Variants in IL1RAPL1 observed in about 807,000 individuals in gnomAD.
IL1RAPL1 encodes interleukin-1 receptor accessory protein-like 1.
A neutral mutation model predicts 48.4 loss-of-function variants in IL1RAPL1; 3 were observed. That is an observed-to-expected ratio of 0.06 (90% CI 0.03 to 0.16). IL1RAPL1 has a LOEUF of 0.16. Ranked by LOEUF, IL1RAPL1 falls within the 10% of genes least tolerant of loss-of-function variation. The pLI is 1.00. For synonymous variants in IL1RAPL1, 185 were observed against 187.7 expected (o/e 0.99, Z 0.12); for missense variants, 349 against 530.6 (o/e 0.66, Z 3.36).
intron 1 of IL1RAPL1, among the ~76,000 whole-genome samples, chrX:28,675,060 A>C (rs1004076779): frequency 8.9e-6 from 1 of 111,997 alleles, no homozygotes; most frequent in African/African-American, 3.2e-5. Flanking sequence ...TAATGATTCA[A>C]AATTATTTGA....
At chrX:28,731,479 A>G (rs59693267) in intron 1 of IL1RAPL1, among the ~76,000 whole-genome samples, 1,223 of 112,605 alleles carry the variant, frequency 0.011, 12 homozygotes, top group African/African-American at 0.037. Flanking sequence ...CTATTGTGCT[A>G]TTACATTTCT....
chrX:28,641,352 A>G (rs1216451312), intron 1 of IL1RAPL1, among the ~76,000 whole-genome samples: 1 of 110,590 alleles, frequency 9.0e-6, no homozygotes, highest in Non-Finnish European at 1.9e-5. Context: ...GCTGAGAATG[A>G]TGATTTCCAG....
chrX:28,965,829 A>G (rs1213813564), intron 2 of IL1RAPL1, among the ~76,000 whole-genome samples: 2 of 112,176 alleles, frequency 1.8e-5, no homozygotes, highest in Non-Finnish European at 3.8e-5. Flanking sequence ...GTGCTGTTAG[A>G]AATACAATTT....
At chrX:28,727,692 A>C (rs1172735879) in intron 1 of IL1RAPL1, among the ~76,000 whole-genome samples, 2 of 106,178 alleles carry the variant, frequency 1.9e-5, no homozygotes, top group African/African-American at 6.9e-5. Context: ...AGCTCTTATT[A>C]TTTTGAAATA....
intron 1 of IL1RAPL1, among the ~76,000 whole-genome samples, chrX:28,742,977 T>C (rs1263637089): frequency 2.7e-5 from 3 of 111,940 alleles, no homozygotes; most frequent in Admixed American, 9.5e-5. Context: ...CAAATGTAAT[T>C]ATATACATCA....
intron 6 of IL1RAPL1, among the ~76,000 whole-genome samples, chrX:29,721,873 T>A (rs1367908380): frequency 8.9e-6 from 1 of 112,214 alleles, no homozygotes; most frequent in Non-Finnish European, 1.9e-5. Context: ...AGAATAGTAA[T>A]ACTTAAAAGA....
intron 2 of IL1RAPL1, among the ~76,000 whole-genome samples, chrX:29,103,445 A>G (rs765592136): frequency 1.8e-5 from 2 of 111,996 alleles, no homozygotes; most frequent in Non-Finnish European, 3.8e-5. Flanking sequence ...CTAGACCTCT[A>G]TCTCGACCAT....
chrX:28,842,597 A>G (rs1921402216), intron 2 of IL1RAPL1, among the ~76,000 whole-genome samples: 1 of 111,313 alleles, frequency 9.0e-6, no homozygotes, highest in Non-Finnish European at 1.9e-5. Context: ...ATTACTTTTA[A>G]TCTGTACATA....
intron 2 of IL1RAPL1, among the ~76,000 whole-genome samples, chrX:28,849,528 A>G (rs1055879060): frequency 2.7e-5 from 3 of 112,169 alleles, no homozygotes; most frequent in East Asian, 5.6e-4. Context: ...AAAATATTTT[A>G]CTACTTAAAG....
rs1197070293 is a variant in IL1RAPL1 at position 28,862,311 on chromosome X, T to A, written c.82+72886T>A. ...GTGCTTTGTTTCTGAAGTCTTTTAC[T>A]GTACTAGTAATTTTTTTCTTTGCAG... On this transcript the variant is annotated intron_variant, in intron 2 of 10. Transcript: ENST00000378993. 3.6e-5 allele frequency among the ~76,000 whole-genome samples: 4 copies of A among 112,195 alleles called. 1 individual carries two copies. The highest frequency in any genetic ancestry group is 7.5e-5 in the Non-Finnish European group (4 of 53,256).
chrX:29,143,238 A>G (rs1677304980), intron 2 of IL1RAPL1, among the ~76,000 whole-genome samples: 1 of 111,360 alleles, frequency 9.0e-6, no homozygotes, highest in South Asian at 3.8e-4. Context: ...TTATGTAACA[A>G]AATGAAAGAC....
In IL1RAPL1 at chrX:29,468,215, A is replaced by G. The variant is rs943987126; in HGVS notation, c.703+68907A>G. Among the ~76,000 whole-genome samples the G allele has an allele frequency of 2.7e-5, 3 of 112,649 alleles. No homozygotes were observed. The South Asian group carries it at 1.1e-3, about 41-fold the overall frequency. ...TTACTTTTAATTTCATTATTTTATT[A>G]CAAAACTTTAACTTTTTATATTGAA... On this transcript the variant is annotated intron_variant, in intron 5 of 10. Transcript: ENST00000378993.
intron 2 of IL1RAPL1, among the ~76,000 whole-genome samples, chrX:28,971,186 A>G (rs1925061184): frequency 9.0e-6 from 1 of 111,642 alleles, no homozygotes; most frequent in African/African-American, 3.3e-5. Context: ...CAACTACAGA[A>G]CCGTATTGTT....
intron 3 of IL1RAPL1, among the ~76,000 whole-genome samples, chrX:29,371,082 T>TAGTGCAATAG (rs1261215228): frequency 9.3e-6 from 1 of 107,712 alleles, no homozygotes; most frequent in Admixed American, 1.0e-4. Context: ...AGTCACCCTA[T>TAGTGCAATAG]AGTGCAATAG....
chrX:28,671,075 T>C (rs964189314), intron 1 of IL1RAPL1, among the ~76,000 whole-genome samples: 5 of 112,235 alleles, frequency 4.5e-5, no homozygotes, highest in Non-Finnish European at 3.8e-5. Context: ...AAAGGACTAA[T>C]TTAAAAACCA....
chrX:29,889,266 G>T (rs951657736), intron 6 of IL1RAPL1, among the ~76,000 whole-genome samples: 1 of 111,317 alleles, frequency 9.0e-6, no homozygotes, highest in African/African-American at 3.3e-5. Flanking sequence ...CTGCTGATTG[G>T]AATACTTTTG....
At chrX:29,850,021 C>G (rs1044433961) in intron 6 of IL1RAPL1, among the ~76,000 whole-genome samples, 2 of 111,546 alleles carry the variant, frequency 1.8e-5, no homozygotes, top group African/African-American at 6.5e-5. Flanking sequence ...TGGCTAAAAT[C>G]TTAATCTCTT....
chrX:28,667,849 C>G (rs1194411258), intron 1 of IL1RAPL1, among the ~76,000 whole-genome samples: 4 of 111,438 alleles, frequency 3.6e-5, no homozygotes, highest in Non-Finnish European at 7.5e-5. Context: ...TCTGGGGTCT[C>G]TTTTGTAAGG....
intron 2 of IL1RAPL1, among the ~76,000 whole-genome samples, chrX:28,940,114 A>G (rs1323234738): frequency 9.0e-6 from 1 of 111,713 alleles, no homozygotes; most frequent in African/African-American, 3.2e-5. Context: ...TAACAGAAAA[A>G]GATAAATAAG....
Sources: allele counts gnomAD v4.1 joint callset (sites outside exome capture counted in the v4.1 genomes callset), GRCh38; gene constraint gnomAD v4.1.1; transcripts MANE v1.5; gene names NCBI Gene and HGNC (gene_info 2026-07-23, HGNC 2026-07-21).